Variants in CMKLR1 observed in about 807,000 individuals in gnomAD.
CMKLR1 encodes chemerin-like receptor 1.
In CMKLR1, 6 loss-of-function variants were observed where a neutral mutation model predicts 8.2. The ratio of observed to expected loss-of-function variants is 0.73; its 90% CI spans 0.40 to 1.44. CMKLR1 has a LOEUF of 1.44. CMKLR1 is among the 40% of genes most tolerant of loss of function. CMKLR1 has a pLI of 0.02. For synonymous variants in CMKLR1, 178 were observed against 181.2 expected (o/e 0.98, Z 0.14); for missense variants, 429 against 478.0 (o/e 0.90, Z 0.96).
intron 2 of CMKLR1, among the ~76,000 whole-genome samples, chr12:108,317,476 C>A (rs1369511006): frequency 6.6e-6 from 1 of 152,168 alleles, no homozygotes; most frequent in East Asian, 1.9e-4. Flanking sequence ...GAGGGGTGGG[C>A]TCTGTGTAAA....
chr12:108,315,722 A>G (rs959143871), intron 2 of CMKLR1, among the ~76,000 whole-genome samples: 14 of 152,186 alleles, frequency 9.2e-5, no homozygotes, highest in Admixed American at 7.9e-4. Context: ...GGCTACTTTC[A>G]CTACCTCTAT....
At chr12:108,321,501 T>G (rs1450837364) in intron 2 of CMKLR1, among the ~76,000 whole-genome samples, 1 of 152,020 alleles carries the variant, frequency 6.6e-6, no homozygotes, top group African/African-American at 2.4e-5. Flanking sequence ...AACATCAAAA[T>G]AAAGATGGGA....
chr12:108,333,421 A>G (rs563468336), intron 1 of CMKLR1, among the ~76,000 whole-genome samples: 166 of 152,328 alleles, frequency 1.1e-3, no homozygotes, highest in African/African-American at 3.9e-3. Context: ...GCAAGAGACT[A>G]GCCCAAATGA....
chr12:108,336,605 G>A (rs536352470), intron 1 of CMKLR1, among the ~76,000 whole-genome samples: 1 of 152,142 alleles, frequency 6.6e-6, no homozygotes, highest in Non-Finnish European at 1.5e-5. Context: ...TCTAGAGATT[G>A]CACTTTGAGA....
At chr12:108,313,005 G>T (rs1891624961) in intron 2 of CMKLR1, among the ~76,000 whole-genome samples, 2 of 152,078 alleles carry the variant, frequency 1.3e-5, no homozygotes, top group South Asian at 4.1e-4. Flanking sequence ...TGCCAGCCAC[G>T]AGCACAGAGG....
chr12:108,307,114 T>G (rs1004100089), intron 2 of CMKLR1, among the ~76,000 whole-genome samples: 4 of 152,206 alleles, frequency 2.6e-5, no homozygotes, highest in African/African-American at 9.6e-5. Context: ...CCATATTTAG[T>G]TAATCCCCTG....
rs1276736991 is a variant in CMKLR1 at position 108,291,951 on chromosome 12, G to A, written c.1012C>T (p.Leu338=). ...VALFSRLVNA[L]SEDTGHSSYP... Reference sequence around the variant, plus strand: ...GAAGAGTGGCCTGTATCTTCACTTAGAGCATTGACCAGGCGAGAGAAGAGG... The same window carrying A: ...GAAGAGTGGCCTGTATCTTCACTTAAAGCATTGACCAGGCGAGAGAAGAGG... Residue 338 remains leucine (L), a synonymous_variant, in exon 4 of 4, where the codon CTA becomes TTA. Coordinates refer to ENST00000550402, the MANE Select transcript of CMKLR1 (RefSeq NM_001142343.2). 1 of 1,614,156 alleles carries A rather than the reference G, an allele frequency of 6.2e-7. No individual in the cohort carries two copies. The highest frequency in any genetic ancestry group is 8.5e-7 in the Non-Finnish European group (1 of 1,180,024).
chr12:108,312,923 G>A (rs536466069), intron 2 of CMKLR1, among the ~76,000 whole-genome samples: 1 of 152,242 alleles, frequency 6.6e-6, no homozygotes, highest in East Asian at 1.9e-4. Flanking sequence ...AGTCTGTAGA[G>A]GCCTGTCCAG....
chr12:108,307,326 C>T (rs1277345332), intron 2 of CMKLR1, among the ~76,000 whole-genome samples: 4 of 152,260 alleles, frequency 2.6e-5, no homozygotes, highest in African/African-American at 4.8e-5. Context: ...CTTGGAATCT[C>T]GACTCTGGGA....
At position 108,314,079 on chromosome 12, in the gene CMKLR1, C is replaced by T. The variant is rs1891656257; in HGVS notation, c.-74+15916G>A. On this transcript the variant is annotated intron_variant, in intron 2 of 3. Transcript: ENST00000550402. ...AATATGGTTTTGCTTGCAGGTTTGT[C>T]GATTTTTTATTTTTGTTCACTTAAT... Among the ~76,000 whole-genome samples the T allele has an allele frequency of 2.0e-5, 3 of 152,142 alleles. 1 individual carries two copies. Among genetic ancestry groups the T allele is most frequent in the Admixed American group, 6.5e-5 (1 of 15,280 alleles).
intron 2 of CMKLR1, among the ~76,000 whole-genome samples, chr12:108,327,077 A>G (rs1566029596): frequency 6.6e-6 from 1 of 152,208 alleles, no homozygotes; most frequent in Non-Finnish European, 1.5e-5. Context: ...ACTCAGGTCT[A>G]ACTCCAAACA....
Position 108,289,279 on chromosome 12 carries a change from G to C in CMKLR1, c.*2562C>G, listed in dbSNP as rs2162289. On this transcript the variant is annotated 3_prime_UTR_variant, in exon 4 of 4. Transcript: ENST00000550402. ...AAGTATGTTGGTTGCCTGTGCAGCA[G>C]TGCAGGTGAGCACACTTTGCACACT... is the stretch of plus-strand genomic sequence containing the variant. 1 of 152,088 alleles carries C rather than the reference G, an allele frequency of 6.6e-6. No homozygotes were observed. The highest frequency in any genetic ancestry group is 1.5e-5 in the Non-Finnish European group (1 of 68,074). The allele number at this position is 152,088 out of a possible 1,614,324, so 9.4% of individuals were successfully genotyped here.
At chr12:108,331,116 A>T (rs565747713) in intron 1 of CMKLR1, among the ~76,000 whole-genome samples, 2 of 152,300 alleles carry the variant, frequency 1.3e-5, no homozygotes, top group East Asian at 3.9e-4. Flanking sequence ...AGTACCTGGG[A>T]TGGAGAGACT....
chr12:108,327,718 G>A (rs143228564), intron 2 of CMKLR1, among the ~76,000 whole-genome samples: 12 of 152,212 alleles, frequency 7.9e-5, no homozygotes, highest in Non-Finnish European at 1.3e-4. Context: ...AAGCAGGACT[G>A]GGCAGCAGCC....
chr12:108,305,452 C>A (rs943075854), intron 2 of CMKLR1, among the ~76,000 whole-genome samples: 11 of 152,176 alleles, frequency 7.2e-5, no homozygotes, highest in Non-Finnish European at 1.5e-4. Flanking sequence ...CTCTCCTGAG[C>A]AGCATACCAG....
intron 2 of CMKLR1, among the ~76,000 whole-genome samples, chr12:108,298,825 G>A (rs1891197392): frequency 6.6e-6 from 1 of 152,162 alleles, no homozygotes; most frequent in Non-Finnish European, 1.5e-5. Context: ...TTGGCCCCAG[G>A]GCAAAAGCCA....
chr12:108,328,848 G>T (rs1322775851), intron 2 of CMKLR1, among the ~76,000 whole-genome samples: 1 of 152,152 alleles, frequency 6.6e-6, no homozygotes, highest in Non-Finnish European at 1.5e-5. Context: ...TCACCAAATG[G>T]CCTTGGGCAA....
rs59925321 is a variant in CMKLR1, at chr12:108,293,672, G to GA, written c.-73-9dup. 0.091 allele frequency: 82,034 copies of GA among 896,988 alleles called. 1,161 individuals carry two copies. Among genetic ancestry groups the GA allele is most frequent in the Admixed American group, 0.19 (5,564 of 29,310 alleles). 55.6% of individuals were successfully genotyped at this position (896,988 alleles called of 1,614,324 possible). ...GTACACAGCTAGAAACACCTGTAGGGAAAAAAAAAAAAAAAAAAGCAGCAA... is the reference window on the plus strand; with the variant it reads ...GTACACAGCTAGAAACACCTGTAGGGAAAAAAAAAAAAAAAAAAAGCAGCAA... On this transcript the variant is annotated splice_polypyrimidine_tract_variant and intron_variant, in intron 2 of 3. Coordinates refer to ENST00000550402, the MANE Select transcript of CMKLR1 (RefSeq NM_001142343.2).
intron 2 of CMKLR1, among the ~76,000 whole-genome samples, chr12:108,324,832 A>G (rs1197811274): frequency 2.4e-5 from 2 of 83,440 alleles, no homozygotes; most frequent in African/African-American, 5.1e-5. Flanking sequence ...AGCACCCACA[A>G]TGTGGTGGGT....
Sources: allele counts gnomAD v4.1 joint callset (sites outside exome capture counted in the v4.1 genomes callset), GRCh38; gene constraint gnomAD v4.1.1; transcripts MANE v1.5; gene names NCBI Gene and HGNC (gene_info 2026-07-23, HGNC 2026-07-21).